The following DNAH11 variants were observed in gnomAD, a reference collection of about 807,000 sequenced individuals.
DNAH11 encodes axonemal beta dynein heavy chain 11.
In DNAH11, 442 loss-of-function variants were observed where a neutral mutation model predicts 526.0. The ratio of observed to expected loss-of-function variants is 0.84; its 90% CI spans 0.78 to 0.91. The LOEUF is 0.91. Ranked by LOEUF, DNAH11 falls within the 40% of genes least tolerant of loss-of-function variation. The pLI is 0.00. For missense variants in DNAH11, 6,989 were observed against 5,448.7 expected, an observed-to-expected ratio of 1.28 and a Z score of -8.90; for synonymous variants, 2,461 against 1,935.9, an observed-to-expected ratio of 1.27 and a Z score of -7.12.
In DNAH11 at chr7:21,635,921, G is replaced by T. The variant is rs376906297; in HGVS notation, c.4551G>T (p.Glu1517Asp). The T allele has an allele frequency of 6.2e-7, 1 of 1,613,286 alleles. No individual in the cohort carries two copies. The highest frequency in any genetic ancestry group is 1.7e-5 in the Admixed American group (1 of 59,976). Reference sequence around the variant, plus strand: ...GCAAGTATGTAGAATATTTCATTGAGCAAGTGTTAAGCTGGCAAAATAAAT... The same window carrying T: ...GCAAGTATGTAGAATATTTCATTGATCAAGTGTTAAGCTGGCAAAATAAAT... ...LQSKYVEYFIEQVLSWQNKLN... is the reference protein window; with the variant it reads ...LQSKYVEYFIDQVLSWQNKLN... Residue 1517 changes from glutamate (E) to aspartate (D), a missense_variant, in exon 26 of 82, where the codon GAG becomes GAT. Transcript: ENST00000409508.
At chr7:21,580,541 G>T (rs1784269434) in intron 8 of DNAH11, among the ~76,000 whole-genome samples, 1 of 152,222 alleles carries the variant, frequency 6.6e-6, no homozygotes, top group South Asian at 2.1e-4. Flanking sequence ...ATAAACAACA[G>T]AAATTTATTT....
At chr7:21,650,957 A>ATT (rs1781729917) in intron 28 of DNAH11, among the ~76,000 whole-genome samples, 1 of 150,064 alleles carries the variant, frequency 6.7e-6, no homozygotes, top group African/African-American at 2.4e-5. Flanking sequence ...GTTATTTTAA[A>ATT]AAAAAAAAAA....
At position 21,763,339 on chromosome 7, in the gene DNAH11, C is replaced by CA. The variant is rs1243002469; in HGVS notation, c.8941-2072dup. 3.8e-3 allele frequency among the ~76,000 whole-genome samples: 40 copies of CA among 10,662 alleles called. 1 individual carries two copies. Among genetic ancestry groups the CA allele is most frequent in the South Asian group, 0.017 (6 of 352 alleles). The allele number at this position is 10,662 out of a possible 152,430, so 7.0% of individuals were successfully genotyped here. On this transcript the variant is annotated intron_variant, in intron 54 of 81. Coordinates refer to ENST00000409508, the MANE Select transcript of DNAH11 (RefSeq NM_001277115.2). ...CCTGGGCAACAGAGCAAGACTGTCT[C>CA]AAAAAAAAAAAAAAAAAGAAAAAAA...
chr7:21,704,418 A>G lies in DNAH11; in HGVS notation c.6274-16A>G. On this transcript the variant is annotated splice_polypyrimidine_tract_variant and intron_variant, in intron 37 of 81. Transcript: ENST00000409508. ...GACCTTGTATTGGCTTTTTTATAAAATGTTTTTTTTTCTAGGTACTCATGA... is the reference window on the plus strand; with the variant it reads ...GACCTTGTATTGGCTTTTTTATAAAGTGTTTTTTTTTCTAGGTACTCATGA... 1 of 1,599,834 alleles carries G rather than the reference A, an allele frequency of 6.3e-7. No homozygotes were observed. Among genetic ancestry groups the G allele is most frequent in the East Asian group, 2.2e-5 (1 of 44,604 alleles).
At chr7:21,700,780 T>G (rs1052767046) in intron 36 of DNAH11, among the ~76,000 whole-genome samples, 1 of 152,088 alleles carries the variant, frequency 6.6e-6, no homozygotes, top group Non-Finnish European at 1.5e-5. Flanking sequence ...TATGCAGCCA[T>G]GAAAAAGGAT....
intron 44 of DNAH11, among the ~76,000 whole-genome samples, chr7:21,721,825 C>G (rs923261500): frequency 1.3e-5 from 2 of 152,270 alleles, no homozygotes; most frequent in Middle Eastern, 3.4e-3. Context: ...TCAAATTGGT[C>G]TCCCTCTCTC....
chr7:21,770,281 A>G lies in DNAH11; in HGVS notation c.9103-3485A>G, dbSNP rs564589671. Among the ~76,000 whole-genome samples, 4 of 152,334 alleles carry G rather than the reference A, an allele frequency of 2.6e-5. No individual in the cohort carries two copies. In the East Asian group the frequency reaches 7.7e-4, roughly 29 times the overall value. Reference sequence around the variant, plus strand: ...GGGATGGGACCCAAATCTAAACACAAAATTCATTTTTGTTTTATATACTCC... The same window carrying G: ...GGGATGGGACCCAAATCTAAACACAGAATTCATTTTTGTTTTATATACTCC... On this transcript the variant is annotated intron_variant, in intron 55 of 81. Coordinates refer to ENST00000409508, the MANE Select transcript of DNAH11 (RefSeq NM_001277115.2).
chr7:21,772,967 T>C (rs1240939262), intron 55 of DNAH11, among the ~76,000 whole-genome samples: 1 of 152,228 alleles, frequency 6.6e-6, no homozygotes, highest in Non-Finnish European at 1.5e-5. Flanking sequence ...TGGTAAATTA[T>C]GTGTGACTTT....
chr7:21,704,586 C>T lies in DNAH11; in HGVS notation c.6426C>T (p.Thr2142=), dbSNP rs1379469802. ...LHFEQMVRQS[T]LELRLQPEES... is the part of the protein sequence containing the mutation. Reference sequence around the variant, plus strand: ...TTGAACAGATGGTCAGGCAGTCTACCCTGGAGCTCCGCCTGCAGCCTGAAG... The same window carrying T: ...TTGAACAGATGGTCAGGCAGTCTACTCTGGAGCTCCGCCTGCAGCCTGAAG... Residue 2142 remains threonine (T), a synonymous_variant, in exon 38 of 82, where the codon ACC becomes ACT. Coordinates refer to ENST00000409508, the MANE Select transcript of DNAH11 (RefSeq NM_001277115.2). 6.2e-7 allele frequency: 1 copy of T among 1,611,316 alleles called. No homozygotes were observed. Among genetic ancestry groups the T allele is most frequent in the East Asian group, 2.2e-5 (1 of 44,848 alleles).
intron 8 of DNAH11, among the ~76,000 whole-genome samples, chr7:21,581,018 G>A (rs1322033084): frequency 1.3e-5 from 2 of 152,154 alleles, no homozygotes. Context: ...AATGTTGTAA[G>A]AGGTGAGTTA....
chr7:21,781,991 G>T (rs1328151244), intron 57 of DNAH11, among the ~76,000 whole-genome samples: 1 of 152,128 alleles, frequency 6.6e-6, no homozygotes, highest in Non-Finnish European at 1.5e-5. Context: ...TTGGATTAGG[G>T]CTCACCCTAA....
intron 42 of DNAH11, among the ~76,000 whole-genome samples, chr7:21,715,928 T>C (rs1784647236): frequency 6.6e-6 from 1 of 150,522 alleles, no homozygotes; most frequent in Admixed American, 6.6e-5. Flanking sequence ...TTGGTTGGAC[T>C]GACTTTTTTC....
intron 20 of DNAH11, among the ~76,000 whole-genome samples, chr7:21,610,454 T>G (rs2128450436): frequency 6.6e-6 from 1 of 152,216 alleles, no homozygotes; most frequent in African/African-American, 2.4e-5. Context: ...GCACTCTCAT[T>G]CAGTCTCTTT....
Position 21,559,754 on chromosome 7 carries a change from A to G in DNAH11, c.844A>G (p.Met282Val). ...TCCTCAAGCAGAACTAGATTTCTGG[A>G]TGATGAGGAGAGAAAATCTGTCATG... is the stretch of plus-strand genomic sequence containing the variant. ...LSPQAELDFW[M>V]MRRENLSCIY... Residue 282 changes from methionine to valine, a missense_variant, in exon 4 of 82, where the codon ATG becomes GTG. Met to Val is a conservative substitution (Grantham distance 21). Transcript: ENST00000409508. The G allele has an allele frequency of 6.2e-7, 1 of 1,607,174 alleles. No individual in the cohort carries two copies. The highest frequency in any genetic ancestry group is 8.5e-7 in the Non-Finnish European group (1 of 1,176,344).
intron 30 of DNAH11, 114 bp from the exon 31 acceptor site, chr7:21,681,432 A>G: frequency 8.3e-7 from 1 of 1,209,540 alleles, no homozygotes; most frequent in East Asian, 2.6e-5. Flanking sequence ...ATCTCAAAAA[A>G]AAAAAGAAAT....
At chr7:21,891,254 C>T (rs1048203608) in intron 76 of DNAH11, among the ~76,000 whole-genome samples, 1 of 152,172 alleles carries the variant, frequency 6.6e-6, no homozygotes, top group Non-Finnish European at 1.5e-5. Flanking sequence ...CACAGTGTAG[C>T]ATACACAGTT....
chr7:21,652,273 A>G (rs1386520804), intron 28 of DNAH11, among the ~76,000 whole-genome samples: 1 of 152,354 alleles, frequency 6.6e-6, no homozygotes, highest in East Asian at 1.9e-4. Context: ...AACATATTAA[A>G]TAAAACAAAC....
chr7:21,571,166 A>G (rs1421840540), intron 7 of DNAH11, among the ~76,000 whole-genome samples: 3 of 152,182 alleles, frequency 2.0e-5, no homozygotes, highest in Non-Finnish European at 2.9e-5. Context: ...GGTGATGAAA[A>G]CAGGAGTTTT....
At chr7:21,890,893 T>A (rs1242531238) in intron 76 of DNAH11, among the ~76,000 whole-genome samples, 1 of 152,136 alleles carries the variant, frequency 6.6e-6, no homozygotes, top group African/African-American at 2.4e-5. Flanking sequence ...AAGGATTAGA[T>A]AACTTGAAAA....
Sources: allele counts gnomAD v4.1 joint callset (sites outside exome capture counted in the v4.1 genomes callset), GRCh38; gene constraint gnomAD v4.1.1; transcripts MANE v1.5; gene names NCBI Gene and HGNC (gene_info 2026-07-23, HGNC 2026-07-21).